Variants in LCOR observed in about 807,000 individuals in gnomAD.
LCOR encodes the protein ligand dependent nuclear receptor corepressor.
Under a neutral mutation model 64.4 loss-of-function variants are expected in LCOR, and 14 were observed. The ratio of observed to expected loss-of-function variants is 0.22; its 90% CI spans 0.14 to 0.34. The LOEUF (loss-of-function observed/expected upper bound fraction) is 0.34, where lower values mean the gene tolerates loss of function less well. Ranked by LOEUF, LCOR falls within the 10% of genes least tolerant of loss-of-function variation. The pLI, the probability that LCOR is intolerant of heterozygous loss-of-function variation, is 1.00. For synonymous variants in LCOR, 643 were observed against 642.5 expected, an observed-to-expected ratio of 1.00 and a Z score of -0.01; for missense variants, 1,686 against 1,765.3, an observed-to-expected ratio of 0.96 and a Z score of 0.80.
intron 2 of LCOR, among the ~76,000 whole-genome samples, chr10:96,885,655 C>G (rs1425785339): frequency 6.7e-6 from 1 of 149,974 alleles, no homozygotes; most frequent in Non-Finnish European, 1.5e-5. Context: ...CTCTGCCTCC[C>G]AAAGTGCTGA....
intron 2 of LCOR, among the ~76,000 whole-genome samples, chr10:96,891,077 C>CT (rs902525025): frequency 2.6e-5 from 4 of 151,738 alleles, no homozygotes; most frequent in African/African-American, 9.7e-5. Flanking sequence ...TCCCTTTTCT[C>CT]TTTTTTTGGA....
At chr10:96,849,011 G>GTTTT (rs144865916) in intron 2 of LCOR, among the ~76,000 whole-genome samples, 2 of 106,534 alleles carry the variant, frequency 1.9e-5, no homozygotes, top group South Asian at 3.5e-4. Flanking sequence ...AGTTGAAAAT[G>GTTTT]TTTTTTTTTT....
intron 7 of LCOR, among the ~76,000 whole-genome samples, chr10:96,978,474 A>T (rs2134560177): frequency 6.6e-6 from 1 of 152,274 alleles, no homozygotes; most frequent in South Asian, 2.1e-4. Context: ...GCCAGTATGT[A>T]CTTCAGAGTT....
At position 96,983,469 on chromosome 10, in the gene LCOR, T is replaced by A; in HGVS notation, c.3009T>A (p.Asp1003Glu). ...ACAACGAAAACACCCAGCAGAAAGA[T>A]GATGAGAGTGATGCCCCATGCAGCT... is the stretch of plus-strand genomic sequence containing the variant. ...EVDNENTQQK[D>E]DESDAPCSSL... The change falls in exon 8 of 8, where the codon GAT (aspartate) becomes GAA (glutamate). Residue 1003 changes from aspartate (D) to glutamate (E), a missense_variant. Physicochemically the swap from Asp to Glu is conservative, Grantham distance 45 (BLOSUM62 2). Coordinates refer to ENST00000421806, the MANE Select transcript of LCOR (RefSeq NM_001346516.2). The surrounding 1 kb of genome is among the most constrained non-coding windows in gnomAD (Gnocchi z 4.5). 6.2e-7 allele frequency: 1 copy of A among 1,614,014 alleles called. No homozygotes were observed. Among genetic ancestry groups the A allele is most frequent in the Non-Finnish European group, 8.5e-7 (1 of 1,180,000 alleles).
chr10:96,988,170 C>T lies in LCOR; in HGVS notation c.*3036C>T, dbSNP rs1848164958. On this transcript the variant is annotated 3_prime_UTR_variant, in exon 8 of 8. Coordinates refer to ENST00000421806, the MANE Select transcript of LCOR (RefSeq NM_001346516.2). ...TACGAGACTCCCTGCTATAGATGGA[C>T]ATGCAGGAGACCACTCCCTCACTTG... The T allele has an allele frequency of 2.0e-5, 3 of 152,358 alleles. No homozygotes were observed. The highest frequency in any genetic ancestry group is 6.5e-5 in the Admixed American group (1 of 15,298). The allele number at this position is 152,358 out of a possible 1,614,324, so 9.4% of individuals were successfully genotyped here. A position where few individuals can be genotyped will look rare whatever the true frequency, so the allele number is the denominator to read the frequency against.
chr10:96,859,422 G>C (rs1845852889), intron 2 of LCOR, among the ~76,000 whole-genome samples: 1 of 152,092 alleles, frequency 6.6e-6, no homozygotes, highest in Non-Finnish European at 1.5e-5. Context: ...ATGTTGGCCA[G>C]GCTGGTCTCG....
At chr10:96,891,643 A>G (rs1846446092) in intron 2 of LCOR, among the ~76,000 whole-genome samples, 1 of 137,894 alleles carries the variant, frequency 7.3e-6, no homozygotes, top group African/African-American at 2.7e-5. Context: ...CCCAGGTTCA[A>G]GCAGTTCTCC....
At chr10:96,977,310 T>C (rs1848047115) in intron 7 of LCOR, among the ~76,000 whole-genome samples, 2 of 152,200 alleles carry the variant, frequency 1.3e-5, no homozygotes, top group Admixed American at 1.3e-4. Flanking sequence ...GATCAGCCAC[T>C]GTTTGGAAGC....
intron 2 of LCOR, among the ~76,000 whole-genome samples, chr10:96,897,226 T>C (rs1028574399): frequency 6.6e-6 from 1 of 152,138 alleles, no homozygotes; most frequent in Admixed American, 6.5e-5. Context: ...TTTAAATGAA[T>C]ACATATGTTA....
At chr10:96,832,433 G>A (rs1329003471) in intron 1 of LCOR, 34 bp downstream of exon 1, 1 of 882,414 alleles carries the variant, frequency 1.1e-6, no homozygotes, top group South Asian at 5.0e-5. Flanking sequence ...CCGCCCCTCC[G>A]GCCGCCCCGC....
At chr10:96,892,458 CACAG>C (rs1846461777) in intron 2 of LCOR, among the ~76,000 whole-genome samples, 1 of 152,130 alleles carries the variant, frequency 6.6e-6, no homozygotes, top group South Asian at 2.1e-4. Context: ...AAGATCAAGA[CACAG>C]ACAGATTTGG....
chr10:96,877,398 G>A (rs1220669318), intron 2 of LCOR, among the ~76,000 whole-genome samples: 2 of 152,020 alleles, frequency 1.3e-5, no homozygotes, highest in Admixed American at 6.6e-5. Flanking sequence ...GGTGATACAT[G>A]TCTGTAGTCC....
At chr10:96,871,247 A>G (rs923170884) in intron 2 of LCOR, among the ~76,000 whole-genome samples, 2 of 151,058 alleles carry the variant, frequency 1.3e-5, no homozygotes, top group African/African-American at 4.9e-5. Flanking sequence ...TGTAGAGACA[A>G]GGTTTCCCTG....
Position 96,982,373 on chromosome 10 carries a change from C to G in LCOR, c.1913C>G (p.Ala638Gly), listed in dbSNP as rs1012167730. ...CCAGAAGGTGGCTCCACAGTCTCAG[C>G]TCCCACAGCAAGTGGGATGTCTTCT... ...DLPEGGSTVS[A>G]PTASGMSSPE... Residue 638 changes from alanine (A) to glycine (G), a missense_variant, in exon 8 of 8, where the codon GCT becomes GGT. Physicochemically the swap from Ala to Gly is moderately conservative, Grantham distance 60 (BLOSUM62 0). This residue lies in a region of LCOR where 1,293 missense variants were observed against 1,410.4 expected (regional missense o/e 0.92). Coordinates refer to ENST00000421806, the MANE Select transcript of LCOR (RefSeq NM_001346516.2). 2 of 1,614,238 alleles carry G rather than the reference C, an allele frequency of 1.2e-6. No homozygotes were observed. The highest frequency in any genetic ancestry group is 1.7e-5 in the Admixed American group (1 of 60,028).
intron 2 of LCOR, among the ~76,000 whole-genome samples, chr10:96,900,419 A>G (rs995984991): frequency 2.0e-4 from 31 of 152,136 alleles, no homozygotes; most frequent in African/African-American, 7.5e-4. Flanking sequence ...AAAATGCAAT[A>G]GAATAAACCC....
chr10:96,887,934 A>G (rs767437266), intron 2 of LCOR, among the ~76,000 whole-genome samples: 4 of 150,974 alleles, frequency 2.6e-5, no homozygotes, highest in Admixed American at 6.6e-5. Flanking sequence ...ACCTGCCTCA[A>G]CCTCCCAAAG....
At chr10:96,901,878 TACC>T (rs1473044886) in intron 2 of LCOR, among the ~76,000 whole-genome samples, 2 of 152,196 alleles carry the variant, frequency 1.3e-5, no homozygotes, top group Admixed American at 6.5e-5. Context: ...CAAGTGATCT[TACC>T]ACGTCAGCCT....
chr10:96,961,459 A>G (rs908913814), intron 7 of LCOR: 1 of 152,206 alleles, frequency 6.6e-6, no homozygotes, highest in African/African-American at 2.4e-5. Flanking sequence ...AACACTGGAA[A>G]TGACCCTACA....
At chr10:96,890,133 C>A (rs372883683) in intron 2 of LCOR, among the ~76,000 whole-genome samples, 2 of 151,966 alleles carry the variant, frequency 1.3e-5, no homozygotes, top group Non-Finnish European at 2.9e-5. Context: ...GATGGAGTCT[C>A]GCTGTGTCGC....
Sources: allele counts gnomAD v4.1 joint callset (sites outside exome capture counted in the v4.1 genomes callset), GRCh38; gene constraint gnomAD v4.1.1; regional missense constraint gnomAD v4.1.1; non-coding constraint Gnocchi (gnomAD v3.1); transcripts MANE v1.5; gene names NCBI Gene and HGNC (gene_info 2026-07-23, HGNC 2026-07-21).